The following ATL1 variants were observed in gnomAD, a reference collection of about 807,000 sequenced individuals.
ATL1 encodes the protein atlastin GTPase 1, also known as atlastin-1.
ATL1 carries 31 observed loss-of-function variants against 75.5 expected under a neutral mutation model. The ratio of observed to expected loss-of-function variants is 0.41; its 90% CI spans 0.31 to 0.55. The LOEUF (loss-of-function observed/expected upper bound fraction) is 0.55, where lower values mean the gene tolerates loss of function less well. Among genes scored for constraint, ATL1 ranks in the 20% least tolerant of loss-of-function variants. The probability of loss-of-function intolerance (pLI) is 0.27; values close to 1 mark genes in which losing one functional copy is unlikely to be tolerated. For synonymous variants in ATL1, 226 were observed against 233.3 expected (o/e 0.97, Z 0.28); for missense variants, 405 against 662.6 (o/e 0.61, Z 4.27).
At chr14:50,584,602 A>G (rs1352101791) in intron 1 of ATL1, among the ~76,000 whole-genome samples, 2 of 151,992 alleles carry the variant, frequency 1.3e-5, no homozygotes, top group Admixed American at 1.3e-4. Flanking sequence ...CCAGCTATTC[A>G]GGAGGCTGAA....
At chr14:50,537,024 A>G (rs971686231) in intron 1 of ATL1, among the ~76,000 whole-genome samples, 1 of 152,268 alleles carries the variant, frequency 6.6e-6, no homozygotes, top group African/African-American at 2.4e-5. Flanking sequence ...TTCCAAAGAC[A>G]ATGGGGAAAA....
chr14:50,608,269 A>G (rs2039333060), intron 6 of ATL1, among the ~76,000 whole-genome samples: 1 of 152,080 alleles, frequency 6.6e-6, no homozygotes, highest in African/African-American at 2.4e-5. Flanking sequence ...TGAATTTCAT[A>G]GAAATCCATA....
intron 1 of ATL1, among the ~76,000 whole-genome samples, chr14:50,580,098 T>C (rs1326920529): frequency 6.6e-6 from 1 of 152,222 alleles, no homozygotes; most frequent in East Asian, 1.9e-4. Flanking sequence ...TATTTAGAAC[T>C]GTTCCATTAC....
intron 4 of ATL1, among the ~76,000 whole-genome samples, chr14:50,593,181 T>C (rs949038991): frequency 6.6e-6 from 1 of 151,962 alleles, no homozygotes; most frequent in East Asian, 1.9e-4. Flanking sequence ...ATACATTGAA[T>C]ATTTTCAGAG....
At chr14:50,558,821 T>C (rs768017246), upstream of ATL1, among the ~76,000 whole-genome samples, 5 of 152,250 alleles carry the variant, frequency 3.3e-5, no homozygotes, top group Admixed American at 1.3e-4. Context: ...AGATAATGTC[T>C]GTCTTCCTAT....
chr14:50,628,722 C>CTTT (rs1566736035), intron 12 of ATL1: 5 of 535,764 alleles, frequency 9.3e-6, no homozygotes, highest in Non-Finnish European at 1.7e-5. Flanking sequence ...ACTTTTTTTT[C>CTTT]TTTTTTTGGG....
chr14:50,535,883 T>C (rs1170558281), intron 1 of ATL1, among the ~76,000 whole-genome samples: 1 of 152,174 alleles, frequency 6.6e-6, no homozygotes, highest in Non-Finnish European at 1.5e-5. Flanking sequence ...AGGTAATGAA[T>C]CATGAGGGCA....
At chr14:50,563,906 T>C (rs760194621) in intron 1 of ATL1, among the ~76,000 whole-genome samples, 2 of 152,182 alleles carry the variant, frequency 1.3e-5, no homozygotes, top group African/African-American at 2.4e-5. Context: ...ATAAGAGATC[T>C]GAGATTCAGA....
At chr14:50,609,576 A>G (rs1029986553) in intron 6 of ATL1, among the ~76,000 whole-genome samples, 3 of 152,092 alleles carry the variant, frequency 2.0e-5, no homozygotes, top group Admixed American at 6.6e-5. Flanking sequence ...GGAGATATGG[A>G]TATAATATAG....
intron 4 of ATL1, among the ~76,000 whole-genome samples, chr14:50,592,494 G>A (rs1438759759): frequency 6.6e-6 from 1 of 150,988 alleles, no homozygotes; most frequent in Non-Finnish European, 1.5e-5. Context: ...AACAGAAGGA[G>A]GAAGGAAGAC....
intron 10 of ATL1, 76 bp from the exon 11 acceptor site, chr14:50,623,101 C>A: frequency 8.1e-7 from 1 of 1,241,706 alleles, no homozygotes; most frequent in East Asian, 2.4e-5. Flanking sequence ...ACATGATGCT[C>A]TGAAATGTGA....
intron 1 of ATL1, among the ~76,000 whole-genome samples, chr14:50,565,611 T>G (rs2038896542): frequency 6.6e-6 from 1 of 152,198 alleles, no homozygotes; most frequent in African/African-American, 2.4e-5. Flanking sequence ...TCAAATGTAC[T>G]TTTCCTATGT....
At chr14:50,582,643 C>G (rs1434486677) in intron 1 of ATL1, among the ~76,000 whole-genome samples, 1 of 149,352 alleles carries the variant, frequency 6.7e-6, no homozygotes, top group East Asian at 2.0e-4. Context: ...CCAGGTTGGT[C>G]TCAAACTCTT....
intron 1 of ATL1, among the ~76,000 whole-genome samples, chr14:50,573,996 G>GAGCTGGGGT (rs1353880111): frequency 2.6e-5 from 4 of 152,118 alleles, no homozygotes; most frequent in African/African-American, 9.7e-5. Flanking sequence ...TGGTACTACT[G>GAGCTGGGGT]AGCTGGGGTA....
chr14:50,570,234 A>C (rs1987761), intron 1 of ATL1, among the ~76,000 whole-genome samples: 4 of 152,024 alleles, frequency 2.6e-5, no homozygotes, highest in Non-Finnish European at 4.4e-5. Context: ...AGTTTTCTTC[A>C]ATCTTTTTTC....
At position 50,594,690 on chromosome 14, in the gene ATL1, G is replaced by A. The variant is rs1045302799; in HGVS notation, c.573+794G>A. Among the ~76,000 whole-genome samples the A allele has an allele frequency of 9.9e-5, 15 of 152,230 alleles. No individual in the cohort carries two copies. The East Asian group carries it at 2.3e-3, about 24-fold the overall frequency. ...GCACAGTATATGTTTCTCCTCTTTC[G>A]AATTCATTTCAAGATTCTCCAGGGC... On this transcript the variant is annotated intron_variant, in intron 5 of 13. Transcript: ENST00000358385.
At chr14:50,630,802 G>T in intron 13 of ATL1, 1 of 332,156 alleles carries the variant, frequency 3.0e-6, no homozygotes, top group Non-Finnish European at 5.9e-6. Context: ...CATTAAAAAA[G>T]CAAAAGCAAA....
intron 6 of ATL1, among the ~76,000 whole-genome samples, chr14:50,608,315 G>A (rs146016983): frequency 6.6e-6 from 1 of 152,124 alleles, no homozygotes; most frequent in Admixed American, 6.6e-5. Flanking sequence ...TATCTAGGGA[G>A]GGGTGGGGGA....
In ATL1 at chr14:50,620,459, G is replaced by A. The variant is rs894818176; in HGVS notation, c.863-140G>A. On this transcript the variant is annotated intron_variant, in intron 8 of 13. Coordinates refer to ENST00000358385, the MANE Select transcript of ATL1 (RefSeq NM_015915.5). ...TCACTGTGAGAAGAGCAGGTTTCAGGAGTCGCTTAAATGATGGGGAAGTGA... is the reference window on the plus strand; with the variant it reads ...TCACTGTGAGAAGAGCAGGTTTCAGAAGTCGCTTAAATGATGGGGAAGTGA... 1.4e-5 allele frequency: 12 copies of A among 848,196 alleles called. No individual in the cohort carries two copies. The African/African-American group carries it at 2.0e-4, about 14-fold the overall frequency. 52.5% of individuals were successfully genotyped at this position (848,196 alleles called of 1,614,324 possible). A position where few individuals can be genotyped will look rare whatever the true frequency, so the allele number is the denominator to read the frequency against.
Sources: gnomAD v4.1 joint callset for allele counts (sites outside exome capture counted in the v4.1 genomes callset) on GRCh38, gnomAD v4.1.1 for gene constraint, MANE v1.5 for transcripts, NCBI Gene and HGNC (gene_info 2026-07-23, HGNC 2026-07-21) for gene names.